Variants in PTPRM observed in about 807,000 individuals in gnomAD.
PTPRM encodes the protein receptor-type tyrosine-protein phosphatase mu.
In PTPRM, 47 loss-of-function variants were observed where a neutral mutation model predicts 186.7. The observed-to-expected ratio is 0.25, with a 90% CI of 0.20 to 0.32. The LOEUF (loss-of-function observed/expected upper bound fraction) is 0.32. Among genes scored for constraint, PTPRM ranks in the 10% least tolerant of loss-of-function variants. The pLI, the probability that PTPRM is intolerant of heterozygous loss-of-function variation, is 1.00. For missense variants in PTPRM, 1,494 were observed against 1,865.0 expected, an observed-to-expected ratio of 0.80 and a Z score of 3.66; for synonymous variants, 668 against 674.9, an observed-to-expected ratio of 0.99 and a Z score of 0.16.
intron 1 of PTPRM, among the ~76,000 whole-genome samples, chr18:7,642,562 A>G (rs1018186754): frequency 2.3e-4 from 35 of 152,318 alleles, no homozygotes; most frequent in Admixed American, 2.1e-3. Context: ...GGAAAAAATT[A>G]TTCCACAATG....
intron 5 of PTPRM, among the ~76,000 whole-genome samples, chr18:7,941,091 T>C (rs944504500): frequency 8.5e-5 from 13 of 152,204 alleles, no homozygotes; most frequent in Admixed American, 8.5e-4. Context: ...TTTACGTGCC[T>C]GTCCTTTTCA....
chr18:7,674,187 G>A (rs951759702), intron 1 of PTPRM, among the ~76,000 whole-genome samples: 1 of 152,164 alleles, frequency 6.6e-6, no homozygotes. Context: ...CACTGATGGT[G>A]GGTCCCACTC....
chr18:8,172,675 T>C (rs1034163743), intron 14 of PTPRM, among the ~76,000 whole-genome samples: 1 of 144,790 alleles, frequency 6.9e-6, no homozygotes, highest in African/African-American at 2.6e-5. Flanking sequence ...TTCTTAACCA[T>C]AGAATGTTAA....
intron 1 of PTPRM, among the ~76,000 whole-genome samples, chr18:7,593,095 G>A (rs1272718948): frequency 6.6e-6 from 1 of 152,124 alleles, no homozygotes; most frequent in East Asian, 1.9e-4. Context: ...AAAATCAGTG[G>A]CAAGGAAAGT....
At chr18:8,111,332 G>A (rs1187084075) in intron 11 of PTPRM, among the ~76,000 whole-genome samples, 1 of 152,172 alleles carries the variant, frequency 6.6e-6, no homozygotes, top group Non-Finnish European at 1.5e-5. Flanking sequence ...TATTATATTG[G>A]CCAGGCGCAG....
chr18:7,665,490 G>A (rs2039075544), intron 1 of PTPRM, among the ~76,000 whole-genome samples: 1 of 152,136 alleles, frequency 6.6e-6, no homozygotes. Flanking sequence ...TTTAAATAGT[G>A]CTTCAAAGAT....
At chr18:7,636,890 G>C (rs1178331362) in intron 1 of PTPRM, among the ~76,000 whole-genome samples, 3 of 152,108 alleles carry the variant, frequency 2.0e-5, no homozygotes, top group African/African-American at 7.2e-5. Flanking sequence ...AATTCAGGCT[G>C]GGTGTGATGG....
At chr18:8,229,541 A>G (rs956783483) in intron 14 of PTPRM, among the ~76,000 whole-genome samples, 5 of 152,270 alleles carry the variant, frequency 3.3e-5, no homozygotes, top group African/African-American at 9.6e-5. Flanking sequence ...TTTATCTCAC[A>G]TGTTGGTTTA....
intron 19 of PTPRM, among the ~76,000 whole-genome samples, chr18:8,278,863 T>C (rs986411833): frequency 6.6e-6 from 1 of 152,162 alleles, no homozygotes; most frequent in African/African-American, 2.4e-5. Flanking sequence ...CAGAGATGTA[T>C]TTATGCACAT....
chr18:8,315,749 G>C (rs2095304792), intron 21 of PTPRM, among the ~76,000 whole-genome samples: 1 of 152,134 alleles, frequency 6.6e-6, no homozygotes, highest in South Asian at 2.1e-4. Context: ...AAAGTAAATA[G>C]CATCACAATC....
intron 1 of PTPRM, among the ~76,000 whole-genome samples, chr18:7,642,523 A>G (rs539439808): frequency 6.6e-6 from 1 of 152,326 alleles, no homozygotes; most frequent in East Asian, 1.9e-4. Flanking sequence ...CAGAAGAACC[A>G]ATTTGTCAAC....
At chr18:8,104,622 T>A (rs1297916466) in intron 11 of PTPRM, among the ~76,000 whole-genome samples, 3 of 152,138 alleles carry the variant, frequency 2.0e-5, no homozygotes, top group Middle Eastern at 3.4e-3. Context: ...GATTTTTTTT[T>A]ATTTTCTATA....
At chr18:7,773,570 G>GTTTTTTTT (rs10708698) in intron 1 of PTPRM, among the ~76,000 whole-genome samples, 48 of 128,998 alleles carry the variant, frequency 3.7e-4, no homozygotes, top group Non-Finnish European at 6.3e-4. Context: ...TCTTTTCTTT[G>GTTTTTTTT]TTTTTTTTTT....
intron 19 of PTPRM, among the ~76,000 whole-genome samples, chr18:8,267,990 CT>C (rs1335731790): frequency 2.6e-4 from 39 of 152,264 alleles, no homozygotes; most frequent in African/African-American, 9.4e-4. Context: ...TGTGTCTAAG[CT>C]CTTTTATTGC....
At chr18:7,630,546 G>A (rs747199796) in intron 1 of PTPRM, among the ~76,000 whole-genome samples, 3 of 152,140 alleles carry the variant, frequency 2.0e-5, no homozygotes, top group Non-Finnish European at 4.4e-5. Flanking sequence ...TACGCGCAAC[G>A]TGGAAGGGAG....
At chr18:8,183,210 T>C (rs763461597) in intron 14 of PTPRM, among the ~76,000 whole-genome samples, 4 of 152,228 alleles carry the variant, frequency 2.6e-5, no homozygotes, top group Non-Finnish European at 5.9e-5. Flanking sequence ...AAAAGCCTTC[T>C]CAAGTATGTC....
At chr18:7,703,639 C>T (rs2040013238) in intron 1 of PTPRM, among the ~76,000 whole-genome samples, 2 of 152,194 alleles carry the variant, frequency 1.3e-5, no homozygotes, top group South Asian at 4.1e-4. Flanking sequence ...TTGACTTCCT[C>T]TCTTCCTATT....
At position 7,568,241 on chromosome 18, in the gene PTPRM, T is replaced by C. The variant is rs957293422; in HGVS notation, c.73+350T>C. On this transcript the variant is annotated intron_variant, in intron 1 of 32. Transcript: ENST00000580170. This position sits in a 1 kb window ranked among gnomAD's most constrained non-coding sequence, Gnocchi z 5.1. ...CTGCAAAAGGAACAGCAGAAAACTT[T>C]GCTTGAAGTTCCCAGTTGCAGCCGC... Among the ~76,000 whole-genome samples, 2 of 151,784 alleles carry C rather than the reference T, an allele frequency of 1.3e-5. No homozygotes were observed. Among genetic ancestry groups the C allele is most frequent in the Non-Finnish European group, 2.9e-5 (2 of 67,880 alleles).
At chr18:7,578,424 C>T (rs1197144327) in intron 1 of PTPRM, among the ~76,000 whole-genome samples, 3 of 151,268 alleles carry the variant, frequency 2.0e-5, no homozygotes, top group African/African-American at 7.3e-5. Flanking sequence ...CAAGCTCCAC[C>T]TCCCAGGTTC....
Sources: allele counts gnomAD v4.1 joint callset (sites outside exome capture counted in the v4.1 genomes callset), GRCh38; gene constraint gnomAD v4.1.1; non-coding constraint Gnocchi (gnomAD v3.1); transcripts MANE v1.5; gene names NCBI Gene and HGNC (gene_info 2026-07-23, HGNC 2026-07-21).